Variants in TBC1D5 observed in about 807,000 individuals in gnomAD.
TBC1D5 encodes TBC1 domain family member 5, also known as TBC1 domain family, member 5.
A neutral mutation model predicts 100.3 loss-of-function variants in TBC1D5; 75 were observed. That is an observed-to-expected ratio of 0.75 (90% CI 0.62 to 0.91). The LOEUF (loss-of-function observed/expected upper bound fraction) is 0.91. Ranked by LOEUF, TBC1D5 falls within the 40% of genes least tolerant of loss-of-function variation. The probability of loss-of-function intolerance (pLI) is 0.00; values close to 1 mark genes in which losing one functional copy is unlikely to be tolerated. For missense variants in TBC1D5, 910 were observed against 942.4 expected (o/e 0.97, Z 0.45); for synonymous variants, 323 against 325.6 (o/e 0.99, Z 0.09).
chr3:17,284,123 C>CACACACACACACACACACACACAA, intron 15 of TBC1D5, among the ~76,000 whole-genome samples: 1 of 150,818 alleles, frequency 6.6e-6, no homozygotes, highest in African/African-American at 2.4e-5. Context: ...CACACACACA[C>CACACACACACACACACACACACAA]GTATTTTTAA....
chr3:17,195,770 T>A (rs1266691994), intron 18 of TBC1D5, among the ~76,000 whole-genome samples: 41 of 134,054 alleles, frequency 3.1e-4, no homozygotes, highest in African/African-American at 1.1e-3. Context: ...TTTTTTTTTT[T>A]AACATAAACA....
chr3:17,254,677 T>G (rs918760722), intron 16 of TBC1D5, among the ~76,000 whole-genome samples: 3 of 150,978 alleles, frequency 2.0e-5, no homozygotes, highest in African/African-American at 7.3e-5. Context: ...AACCTTTAAT[T>G]TTAAGTTCAT....
At chr3:17,225,460 A>T (rs1442386341) in intron 17 of TBC1D5, among the ~76,000 whole-genome samples, 55 of 151,600 alleles carry the variant, frequency 3.6e-4, no homozygotes, top group Non-Finnish European at 6.2e-4. Context: ...AAAAAAACAA[A>T]AAACAAACAC....
At chr3:17,408,682 T>A (rs566859789) in intron 4 of TBC1D5, among the ~76,000 whole-genome samples, 2 of 152,278 alleles carry the variant, frequency 1.3e-5, no homozygotes, top group Admixed American at 1.3e-4. Flanking sequence ...GCCTTATTGA[T>A]TAAAGAGAAA....
At chr3:17,671,744 T>C (rs1244137366) in intron 1 of TBC1D5, among the ~76,000 whole-genome samples, 1 of 152,286 alleles carries the variant, frequency 6.6e-6, no homozygotes, top group Non-Finnish European at 1.5e-5. Context: ...AGAAAAAACA[T>C]ACAAAAAGCA....
chr3:17,191,791 TA>T (rs201162506), intron 18 of TBC1D5, among the ~76,000 whole-genome samples: 3 of 151,788 alleles, frequency 2.0e-5, no homozygotes, highest in African/African-American at 7.3e-5. Context: ...TTTTTTTTTT[TA>T]AATATATTTT....
intron 2 of TBC1D5, among the ~76,000 whole-genome samples, chr3:17,551,410 T>A (rs1488272079): frequency 6.6e-6 from 1 of 152,252 alleles, no homozygotes; most frequent in South Asian, 2.1e-4. Context: ...ACACACACAA[T>A]ACTCATGTCA....
At chr3:17,657,774 A>G (rs1158219818) in intron 1 of TBC1D5, among the ~76,000 whole-genome samples, 4 of 152,226 alleles carry the variant, frequency 2.6e-5, no homozygotes, top group African/African-American at 7.2e-5. Context: ...TAAACTCTCA[A>G]CACCTATCTT....
intron 3 of TBC1D5, among the ~76,000 whole-genome samples, chr3:17,461,372 A>C (rs1480337060): frequency 6.6e-6 from 1 of 152,172 alleles, no homozygotes; most frequent in African/African-American, 2.4e-5. Flanking sequence ...TCTCAAATCC[A>C]AGACTGAGAA....
intron 4 of TBC1D5, among the ~76,000 whole-genome samples, chr3:17,423,181 T>C (rs1363605981): frequency 6.6e-6 from 1 of 152,042 alleles, no homozygotes; most frequent in Non-Finnish European, 1.5e-5. Flanking sequence ...TTGTCTCTCC[T>C]TAAAAGGAAA....
At chr3:17,309,357 GATTAT>G (rs1329630166) in intron 13 of TBC1D5, among the ~76,000 whole-genome samples, 3 of 151,782 alleles carry the variant, frequency 2.0e-5, no homozygotes, top group African/African-American at 7.3e-5. Context: ...AGAATAATTA[GATTAT>G]ATTTTCAACT....
intron 13 of TBC1D5, among the ~76,000 whole-genome samples, 179 bp downstream of exon 13, chr3:17,371,896 G>A (rs1430800937): frequency 6.6e-6 from 1 of 152,070 alleles, no homozygotes; most frequent in Non-Finnish European, 1.5e-5. Context: ...ACTTAGCTGG[G>A]CTTGGTGGCA....
intron 15 of TBC1D5, among the ~76,000 whole-genome samples, chr3:17,267,416 C>T (rs1034952927): frequency 4.6e-5 from 7 of 151,836 alleles, no homozygotes; most frequent in East Asian, 3.9e-4. Flanking sequence ...TTTACTTCAA[C>T]GCTTTAAGAA....
At chr3:17,611,101 T>C (rs2061642375) in intron 2 of TBC1D5, among the ~76,000 whole-genome samples, 1 of 152,154 alleles carries the variant, frequency 6.6e-6, no homozygotes, top group African/African-American at 2.4e-5. Flanking sequence ...ATGATAATGA[T>C]GATGAATGAA....
chr3:17,224,032 A>C (rs2074578514), intron 17 of TBC1D5, among the ~76,000 whole-genome samples: 1 of 152,248 alleles, frequency 6.6e-6, no homozygotes, highest in Non-Finnish European at 1.5e-5. Flanking sequence ...AAAATGACAA[A>C]AAAAGTTTTG....
chr3:17,368,388 T>G (rs970804467), intron 13 of TBC1D5, among the ~76,000 whole-genome samples: 1 of 152,098 alleles, frequency 6.6e-6, no homozygotes, highest in Non-Finnish European at 1.5e-5. Flanking sequence ...ATATATTCTC[T>G]TGGAAAAACT....
chr3:17,467,103 C>T (rs1454422361), intron 3 of TBC1D5, among the ~76,000 whole-genome samples: 1 of 151,944 alleles, frequency 6.6e-6, no homozygotes, highest in Non-Finnish European at 1.5e-5. Context: ...GTTCTCCTCC[C>T]CAATATTTTT....
chr3:17,283,941 G>A (rs976036187), intron 15 of TBC1D5, among the ~76,000 whole-genome samples: 4 of 151,954 alleles, frequency 2.6e-5, no homozygotes, highest in Non-Finnish European at 5.9e-5. Flanking sequence ...TCCCCTTCCT[G>A]GAGGTTCTCG....
chr3:17,640,701 A>T (rs1344083665), intron 1 of TBC1D5, among the ~76,000 whole-genome samples: 1 of 152,122 alleles, frequency 6.6e-6, no homozygotes, highest in African/African-American at 2.4e-5. Flanking sequence ...CTAGAAAAAA[A>T]TGAAACAAAA....
Sources: allele counts gnomAD v4.1 joint callset (sites outside exome capture counted in the v4.1 genomes callset), GRCh38; gene constraint gnomAD v4.1.1; transcripts MANE v1.5; gene names NCBI Gene and HGNC (gene_info 2026-07-23, HGNC 2026-07-21).